Variants in SEC23A observed in about 807,000 individuals in gnomAD.
SEC23A encodes the protein SEC23 homolog A, COPII component.
Under a neutral mutation model 103.7 loss-of-function variants are expected in SEC23A, and 56 were observed. The observed-to-expected ratio is 0.54, with a 90% CI of 0.44 to 0.67. The LOEUF (loss-of-function observed/expected upper bound fraction) is 0.67. Among genes scored for constraint, SEC23A ranks in the 30% least tolerant of loss-of-function variants. The pLI is 0.00. For missense variants in SEC23A, 784 were observed against 936.4 expected, an observed-to-expected ratio of 0.84 and a Z score of 2.12; for synonymous variants, 281 against 293.0, an observed-to-expected ratio of 0.96 and a Z score of 0.42.
chr14:39,072,191 C>T (rs1005176192), intron 9 of SEC23A, among the ~76,000 whole-genome samples: 2 of 151,156 alleles, frequency 1.3e-5, no homozygotes, highest in African/African-American at 4.9e-5. Context: ...TAGATCGCAC[C>T]ACTGCACTCT....
chr14:39,087,352 A>G (rs899312336), intron 5 of SEC23A, among the ~76,000 whole-genome samples: 1 of 152,234 alleles, frequency 6.6e-6, no homozygotes, highest in African/African-American at 2.4e-5. Flanking sequence ...TCAGCAAACT[A>G]TATCATAAGC....
rs147425104 is a variant in SEC23A at position 39,069,606 on chromosome 14, C to T, written c.1104-2310G>A. Reference sequence around the variant, plus strand: ...TCCCAAGTAGCTGGGACCACAGGCGCACACCACCATGCCCAGCCAATTTTT... The same window carrying T: ...TCCCAAGTAGCTGGGACCACAGGCGTACACCACCATGCCCAGCCAATTTTT... On this transcript the variant is annotated intron_variant, in intron 9 of 19. Transcript: ENST00000307712. 7.3e-3 allele frequency among the ~76,000 whole-genome samples: 1,109 copies of T among 151,994 alleles called. 16 individuals carry two copies. Among genetic ancestry groups the T allele is most frequent in the African/African-American group, 0.025 (1,051 of 41,464 alleles).
intron 13 of SEC23A, among the ~76,000 whole-genome samples, chr14:39,059,297 AAAAAAAAAAAAAAC>A (rs1245729765): frequency 4.3e-4 from 51 of 119,854 alleles, no homozygotes; most frequent in South Asian, 3.9e-3. Context: ...AAAAAAAAAA[AAAAAAAAAAAAAAC>A]AACAAGGTGC....
At chr14:39,077,590 G>GA (rs1354986117) in intron 7 of SEC23A, among the ~76,000 whole-genome samples, 4 of 151,212 alleles carry the variant, frequency 2.6e-5, no homozygotes, top group Non-Finnish European at 5.9e-5. Context: ...GAGAGAGAGA[G>GA]AAAAAAAAGT....
chr14:39,047,832 AAC>A (rs1311952219), intron 15 of SEC23A, among the ~76,000 whole-genome samples: 3 of 152,324 alleles, frequency 2.0e-5, no homozygotes, highest in Non-Finnish European at 4.4e-5. Context: ...CAGCACTCTA[AAC>A]ACACAGACTT....
rs1259731086 is a variant in SEC23A, at chr14:39,040,940, A to G, written c.1987-53T>C. On this transcript the variant is annotated intron_variant, in intron 17 of 19. Coordinates refer to ENST00000307712, the MANE Select transcript of SEC23A (RefSeq NM_006364.4). ...CTTTAAATTTCTTGCCCATCCAAAA[A>G]TCTTGAGATTTTTCCAAAGAAAATA... 11 of 1,539,548 alleles carry G rather than the reference A, an allele frequency of 7.1e-6. No individual in the cohort carries two copies. In the Admixed American group the frequency reaches 1.2e-4, roughly 17 times the overall value.
rs1263028508 is a variant in SEC23A, at chr14:39,055,238, C to G, written c.1564G>C (p.Ala522Pro). Reference sequence around the variant, plus strand: ...GCTAGCCGGGCCATAAGAATGGCAGCTGCCTCCTGGTCAAAAGATGCAGCA... The same window carrying G: ...GCTAGCCGGGCCATAAGAATGGCAGGTGCCTCCTGGTCAAAAGATGCAGCA... ...NIAASFDQEA[A>P]AILMARLAIY... is the part of the protein sequence containing the mutation. The change falls in exon 14 of 20, where the codon GCT becomes CCT. Residue 522 changes from alanine (A) to proline (P), a missense_variant. By Grantham distance (27) the Ala-to-Pro change is conservative. Coordinates refer to ENST00000307712, the MANE Select transcript of SEC23A (RefSeq NM_006364.4). 1 of 1,614,144 alleles carries G rather than the reference C, an allele frequency of 6.2e-7. No homozygotes were observed. Among genetic ancestry groups the G allele is most frequent in the South Asian group, 1.1e-5 (1 of 91,076 alleles).
intron 7 of SEC23A, among the ~76,000 whole-genome samples, chr14:39,084,965 C>T (rs1482114685): frequency 6.6e-6 from 1 of 152,200 alleles, no homozygotes. Flanking sequence ...GGTGCCCAGC[C>T]AAGAGTGCCT....
chr14:39,042,907 A>T, intron 16 of SEC23A, 35 bp from the exon 17 acceptor site: 4 of 1,353,732 alleles, frequency 3.0e-6, no homozygotes, highest in South Asian at 1.2e-5. Context: ...ATGAGGAAAA[A>T]GGAAAAATAA....
At chr14:39,035,850 G>C (rs1294496841) in intron 19 of SEC23A, among the ~76,000 whole-genome samples, 1 of 152,212 alleles carries the variant, frequency 6.6e-6, no homozygotes, top group Admixed American at 6.5e-5. Context: ...GAAAAGGGAT[G>C]ACAGGACAGG....
At chr14:39,068,102 T>C (rs1886735070) in intron 9 of SEC23A, among the ~76,000 whole-genome samples, 1 of 152,206 alleles carries the variant, frequency 6.6e-6, no homozygotes, top group Non-Finnish European at 1.5e-5. Flanking sequence ...TTTGCACTTA[T>C]TTTTAATTTT....
chr14:39,069,653 TTTCA>T (rs1320738908), intron 9 of SEC23A, among the ~76,000 whole-genome samples: 1 of 151,640 alleles, frequency 6.6e-6, no homozygotes, highest in Admixed American at 6.6e-5. Flanking sequence ...AGAGACAGGG[TTTCA>T]CCATGTTGCC....
intron 7 of SEC23A, among the ~76,000 whole-genome samples, chr14:39,080,551 G>A (rs28699217): frequency 0.31 from 47,661 of 151,732 alleles, 7,720 homozygotes; most frequent in Middle Eastern, 0.44. Flanking sequence ...GATTACAGGC[G>A]TGTGCCACCG....
chr14:39,083,302 GA>G (rs1887293807), intron 7 of SEC23A, among the ~76,000 whole-genome samples: 1 of 152,040 alleles, frequency 6.6e-6, no homozygotes, highest in Non-Finnish European at 1.5e-5. Flanking sequence ...TGCTCCTTCG[GA>G]AAGGCTAATC....
chr14:39,079,621 A>G (rs761993500), intron 7 of SEC23A, among the ~76,000 whole-genome samples: 1 of 152,132 alleles, frequency 6.6e-6, no homozygotes, highest in Non-Finnish European at 1.5e-5. Context: ...GGAGTTCGAG[A>G]CCAGCCTGGC....
At chr14:39,079,047 GT>G (rs1311304752) in intron 7 of SEC23A, among the ~76,000 whole-genome samples, 8 of 151,980 alleles carry the variant, frequency 5.3e-5, no homozygotes, top group Non-Finnish European at 1.0e-4. Flanking sequence ...GAAAAAATAA[GT>G]TTCCTAAAAA....
intron 9 of SEC23A, among the ~76,000 whole-genome samples, chr14:39,070,824 C>T (rs1249035999): frequency 2.6e-5 from 4 of 151,986 alleles, no homozygotes; most frequent in African/African-American, 9.7e-5. Context: ...GTCAGGAGTC[C>T]GAGACTAGCC....
intron 7 of SEC23A, among the ~76,000 whole-genome samples, chr14:39,077,244 A>AAAG (rs1887064127): frequency 1.3e-5 from 2 of 148,208 alleles, no homozygotes; most frequent in Non-Finnish European, 3.0e-5. Flanking sequence ...AAAAAAAAAA[A>AAAG]AAAAAAAAAA....
chr14:39,053,623 T>C (rs925930596), intron 14 of SEC23A, among the ~76,000 whole-genome samples: 9 of 152,052 alleles, frequency 5.9e-5, no homozygotes, highest in African/African-American at 9.7e-5. Context: ...TTCTGAATGA[T>C]GATATAAAAA....
Sources: allele counts gnomAD v4.1 joint callset (sites outside exome capture counted in the v4.1 genomes callset), GRCh38; gene constraint gnomAD v4.1.1; transcripts MANE v1.5; gene names NCBI Gene and HGNC (gene_info 2026-07-23, HGNC 2026-07-21).